ACADS: variants seen among roughly 807,000 people sequenced by gnomAD.
The protein encoded by ACADS is short-chain specific acyl-CoA dehydrogenase, mitochondrial.
ACADS carries 28 observed loss-of-function variants against 46.8 expected under a neutral mutation model. That is an observed-to-expected ratio of 0.60 (90% CI 0.44 to 0.82). The LOEUF (loss-of-function observed/expected upper bound fraction) is 0.82, where lower values mean the gene tolerates loss of function less well. Among genes scored for constraint, ACADS ranks in the 40% least tolerant of loss-of-function variants. The pLI, the probability that ACADS is intolerant of heterozygous loss-of-function variation, is 0.00. For synonymous variants in ACADS, 236 were observed against 237.7 expected, an observed-to-expected ratio of 0.99 and a Z score of 0.07; for missense variants, 528 against 578.0, an observed-to-expected ratio of 0.91 and a Z score of 0.89.
chr12:120,732,987 A>C (rs1229283823), intron 2 of ACADS, among the ~76,000 whole-genome samples: 1 of 152,242 alleles, frequency 6.6e-6, no homozygotes, highest in Non-Finnish European at 1.5e-5. Context: ...CGGGAGGCCA[A>C]GGCTGGCAGA....
At chr12:120,739,043 G>A in intron 8 of ACADS, 97 bp from the exon 9 acceptor site, 2 of 1,596,186 alleles carry the variant, frequency 1.3e-6, no homozygotes, top group Non-Finnish European at 1.7e-6. Context: ...ACAGCCCCAT[G>A]GGGAGGCTCC....
In ACADS at chr12:120,728,131, G is replaced by A. The variant is rs1883143428; in HGVS notation, c.210+942G>A. 1.3e-5 allele frequency among the ~76,000 whole-genome samples: 2 copies of A among 151,436 alleles called. No individual in the cohort carries two copies. The highest frequency in any genetic ancestry group is 2.4e-5 in the African/African-American group (1 of 41,188). ...CCAGCTAGTTTTTGTACTTTCAGTA[G>A]AGATGGGGTTTCTCCATGTTGGGCA... On this transcript the variant is annotated intron_variant, in intron 2 of 9. Transcript: ENST00000242592. This position sits in a 1 kb window ranked among gnomAD's most constrained non-coding sequence, Gnocchi z 4.0.
chr12:120,737,700 G>A (rs1883501827), intron 4 of ACADS, 137 bp from the exon 5 acceptor site: 1 of 1,325,332 alleles, frequency 7.5e-7, no homozygotes, highest in Admixed American at 2.1e-5. Flanking sequence ...CCATCACTGA[G>A]AGCTTTGGGA....
Position 120,737,313 on chromosome 12 carries a change from G to A in ACADS, c.361-43G>A, listed in dbSNP as rs183268986. ...TGCAGCCCGCAGGTGGGCAGGATGC[G>A]CCTGGGCCTGGGGCCTCCGACCGCT... is the stretch of plus-strand genomic sequence containing the variant. On this transcript the variant is annotated intron_variant, in intron 3 of 9. Coordinates refer to ENST00000242592, the MANE Select transcript of ACADS (RefSeq NM_000017.4). 124 of 1,588,482 alleles carry A rather than the reference G, an allele frequency of 7.8e-5. 1 individual carries two copies. The Admixed American group carries it at 1.2e-3, about 15-fold the overall frequency.
At chr12:120,736,576 G>A (rs966945991) in intron 2 of ACADS, among the ~76,000 whole-genome samples, 6 of 152,218 alleles carry the variant, frequency 3.9e-5, no homozygotes, top group African/African-American at 1.4e-4. Flanking sequence ...AACCAGCTGA[G>A]GGATAGGAGG....
intron 8 of ACADS, 98 bp from the exon 9 acceptor site, chr12:120,739,042 T>A: frequency 6.3e-7 from 1 of 1,589,612 alleles, no homozygotes; most frequent in Non-Finnish European, 8.6e-7. Flanking sequence ...TACAGCCCCA[T>A]GGGGAGGCTC....
intron 2 of ACADS, among the ~76,000 whole-genome samples, chr12:120,729,361 GA>G (rs1336400164): frequency 2.7e-5 from 4 of 149,922 alleles, no homozygotes; most frequent in African/African-American, 9.9e-5. Context: ...AGGTTCAAGT[GA>G]TTATCCTGCC....
chr12:120,735,105 C>G lies in ACADS; in HGVS notation c.211-1881C>G, dbSNP rs143203994. Reference sequence around the variant, plus strand: ...TGGCTAATGTGGTGAAACCTGGTCTCTACCAAAAATATAAAAATTAGCCAG... The same window carrying G: ...TGGCTAATGTGGTGAAACCTGGTCTGTACCAAAAATATAAAAATTAGCCAG... On this transcript the variant is annotated intron_variant, in intron 2 of 9. Coordinates refer to ENST00000242592, the MANE Select transcript of ACADS (RefSeq NM_000017.4). 3.4e-3 allele frequency among the ~76,000 whole-genome samples: 501 copies of G among 147,656 alleles called. 2 individuals carry two copies. Among genetic ancestry groups the G allele is most frequent in the African/African-American group, 0.012 (484 of 40,162 alleles).
chr12:120,739,357 G>A lies in ACADS; in HGVS notation c.1148G>A (p.Arg383His), dbSNP rs35233375. 1.4e-5 allele frequency: 22 copies of A among 1,612,904 alleles called. No individual in the cohort carries two copies. Among genetic ancestry groups the A allele is most frequent in the Non-Finnish European group, 1.8e-5 (21 of 1,179,962 alleles). Residue 383 changes from arginine (R) to histidine (H), a missense_variant, in exon 10 of 10, where the codon CGC becomes CAC. Coordinates refer to ENST00000242592, the MANE Select transcript of ACADS (RefSeq NM_000017.4). ...VTEMPAERHY[R>H]DARITEIYEG... is the part of the protein sequence containing the mutation. ...GAGATGCCGGCAGAGCGGCACTACCGCGACGCCCGCATCACTGAGATCTAC... is the reference window on the plus strand; with the variant it reads ...GAGATGCCGGCAGAGCGGCACTACCACGACGCCCGCATCACTGAGATCTAC...
intron 8 of ACADS, 50 bp from the exon 9 acceptor site, chr12:120,739,090 G>A: frequency 6.2e-7 from 1 of 1,611,990 alleles, no homozygotes; most frequent in Non-Finnish European, 8.5e-7. Flanking sequence ...GGGAGCAGGG[G>A]ATGGAGGGGT....
Position 120,725,908 on chromosome 12 carries a change from G to C in ACADS, c.23G>C (p.Arg8Pro), listed in dbSNP as rs749003413. ...CCCATGGCCGCCGCGCTGCTCGCCCGGGCCTCGGGCCCTGCCCGCAGAGGT... is the reference window on the plus strand; with the variant it reads ...CCCATGGCCGCCGCGCTGCTCGCCCCGGCCTCGGGCCCTGCCCGCAGAGGT... MAAALLA[R>P]ASGPARRALC... The change falls in exon 1 of 10, where the codon CGG (arginine) becomes CCG (proline). Residue 8 changes from arginine (R) to proline (P), a missense_variant. By Grantham distance (103) the Arg-to-Pro change is moderately radical (BLOSUM62 -2). Transcript: ENST00000242592. 4 of 1,556,656 alleles carry C rather than the reference G, an allele frequency of 2.6e-6. No homozygotes were observed. Among genetic ancestry groups the C allele is most frequent in the East Asian group, 2.4e-5 (1 of 41,918 alleles).
In ACADS at chr12:120,739,120, G is replaced by A. The variant is rs779408255; in HGVS notation, c.1030-20G>A. On this transcript the variant is annotated intron_variant, in intron 8 of 9. Coordinates refer to ENST00000242592, the MANE Select transcript of ACADS (RefSeq NM_000017.4). ...AGGGGTCCCCTCAAGGGAAGGCTCT[G>A]ACTGTACCCCCATGTTTAGGAGGCA... is the stretch of plus-strand genomic sequence containing the variant. 5.6e-6 allele frequency: 9 copies of A among 1,612,908 alleles called. No homozygotes were observed. In the East Asian group the frequency reaches 2.0e-4, roughly 36 times the overall value.
In ACADS at chr12:120,728,958, G is replaced by C. The variant is rs1242393474; in HGVS notation, c.210+1769G>C. On this transcript the variant is annotated intron_variant, in intron 2 of 9. Coordinates refer to ENST00000242592, the MANE Select transcript of ACADS (RefSeq NM_000017.4). This position sits in a 1 kb window ranked among gnomAD's most constrained non-coding sequence, Gnocchi z 4.0. ...CTTACAGTTTCTTACGGTTTCTCTT[G>C]GGAGTCTGGAGACCACCAGGCTCAG... 1.3e-5 allele frequency among the ~76,000 whole-genome samples: 2 copies of C among 152,156 alleles called. No homozygotes were observed. The highest frequency in any genetic ancestry group is 2.9e-5 in the Non-Finnish European group (2 of 68,034).
chr12:120,733,363 G>A (rs1330203891), intron 2 of ACADS, among the ~76,000 whole-genome samples: 1 of 152,124 alleles, frequency 6.6e-6, no homozygotes, highest in Non-Finnish European at 1.5e-5. Context: ...AGCTACCAAA[G>A]TGCTGGGAAT....
intron 4 of ACADS, 168 bp downstream of exon 4, chr12:120,737,635 CG>C (rs1267520937): frequency 9.5e-7 from 1 of 1,050,902 alleles, no homozygotes; most frequent in Non-Finnish European, 1.4e-6. Context: ...AGATTGCCTT[CG>C]GGGTCCCCTG....
At chr12:120,730,523 A>C (rs1883217069) in intron 2 of ACADS, among the ~76,000 whole-genome samples, 1 of 152,162 alleles carries the variant, frequency 6.6e-6, no homozygotes, top group Non-Finnish European at 1.5e-5. Flanking sequence ...GGCCACTGAC[A>C]CCACATACCC....
intron 2 of ACADS, among the ~76,000 whole-genome samples, chr12:120,729,267 T>C (rs919936807): frequency 1.3e-5 from 2 of 149,736 alleles, no homozygotes; most frequent in South Asian, 2.1e-4. Context: ...TCTTTTTTTT[T>C]TTTTTTTTGA....
rs765914571 is a variant in ACADS, at chr12:120,739,098, G to A, written c.1030-42G>A. 51 of 1,612,436 alleles carry A rather than the reference G, an allele frequency of 3.2e-5. No homozygotes were observed. In the East Asian group the frequency reaches 1.0e-3, roughly 33 times the overall value. On this transcript the variant is annotated intron_variant, in intron 8 of 9. Coordinates refer to ENST00000242592, the MANE Select transcript of ACADS (RefSeq NM_000017.4). ...GGAGTGGGGGAGCAGGGGATGGAGG[G>A]GTCCCCTCAAGGGAAGGCTCTGACT...
At chr12:120,729,068 G>C (rs1441718695) in intron 2 of ACADS, among the ~76,000 whole-genome samples, 1 of 152,146 alleles carries the variant, frequency 6.6e-6, no homozygotes, top group Non-Finnish European at 1.5e-5. Flanking sequence ...GACCATTGCA[G>C]GGGGCTCTAG....
Sources: allele counts gnomAD v4.1 joint callset (sites outside exome capture counted in the v4.1 genomes callset), GRCh38; gene constraint gnomAD v4.1.1; non-coding constraint Gnocchi (gnomAD v3.1); transcripts MANE v1.5; gene names NCBI Gene and HGNC (gene_info 2026-07-23, HGNC 2026-07-21).